Variants in RPRD1A observed in about 807,000 individuals in gnomAD.
The protein encoded by RPRD1A is regulation of nuclear pre-mRNA domain-containing protein 1A.
In RPRD1A, 9 loss-of-function variants were observed where a neutral mutation model predicts 37.8. The ratio of observed to expected loss-of-function variants is 0.24; its 90% CI spans 0.14 to 0.42. RPRD1A has a LOEUF of 0.42. Ranked by LOEUF, RPRD1A falls within the 10% of genes least tolerant of loss-of-function variation. The pLI is 1.00. For missense variants in RPRD1A, 255 were observed against 371.0 expected (o/e 0.69, Z 2.57); for synonymous variants, 138 against 139.7 (o/e 0.99, Z 0.08).
At chr18:36,021,891 C>T (rs1482464080) in intron 6 of RPRD1A, among the ~76,000 whole-genome samples, 1 of 152,114 alleles carries the variant, frequency 6.6e-6, no homozygotes, top group Non-Finnish European at 1.5e-5. Flanking sequence ...CTTCCAGCTA[C>T]TCAGGAGGCT....
At chr18:36,044,349 C>G (rs1912802032) in intron 1 of RPRD1A, among the ~76,000 whole-genome samples, 1 of 152,154 alleles carries the variant, frequency 6.6e-6, no homozygotes, top group African/African-American at 2.4e-5. Context: ...TCAATCAGCA[C>G]TCTCAAGCCC....
At chr18:36,045,975 G>T (rs80203955) in intron 1 of RPRD1A, among the ~76,000 whole-genome samples, 2,014 of 152,268 alleles carry the variant, frequency 0.013, 41 homozygotes, top group African/African-American at 0.046. Context: ...AGACATTTTT[G>T]AGGAAATCTG....
rs879312284 is a variant in RPRD1A, at chr18:35,992,404, A to T, written c.*747T>A. ...CCAGAACCAAAGTTGTCCTCTTGGT[A>T]GAATGTCAAAATGTATATTATTTCC... On this transcript the variant is annotated 3_prime_UTR_variant, in exon 7 of 7. Coordinates refer to ENST00000399022, the MANE Select transcript of RPRD1A (RefSeq NM_018170.5). The T allele has an allele frequency of 5.9e-5, 9 of 152,238 alleles. No individual in the cohort carries two copies. The highest frequency in any genetic ancestry group is 4.4e-5 in the Non-Finnish European group (3 of 68,028). 9.4% of individuals were successfully genotyped at this position (152,238 alleles called of 1,614,324 possible).
chr18:36,026,944 G>A lies in RPRD1A; in HGVS notation c.745C>T (p.Arg249Cys). The change falls in exon 6 of 7, where the codon CGT (arginine) becomes TGT (cysteine). Residue 249 changes from arginine to cysteine, a missense_variant. Physicochemically the swap from Arg to Cys is radical, Grantham distance 180 (BLOSUM62 -3). Transcript: ENST00000399022. ...QLTRMLADFL[R>C]CQKEALAEKE... ...TCTGCAAGGGCTTCCTTTTGACAAC[G>A]AAGAAAATCTGCTAACATTCGAGTG... 1.2e-6 allele frequency: 2 copies of A among 1,613,834 alleles called. No individual in the cohort carries two copies. Among genetic ancestry groups the A allele is most frequent in the Non-Finnish European group, 1.7e-6 (2 of 1,179,798 alleles).
In RPRD1A at chr18:36,021,842, A is replaced by C. The variant is rs1403097741; in HGVS notation, c.789+5058T>G. Among the ~76,000 whole-genome samples, 12 of 152,120 alleles carry C rather than the reference A, an allele frequency of 7.9e-5. 1 individual carries two copies. Among genetic ancestry groups the C allele is most frequent in the Admixed American group, 6.6e-4 (10 of 15,262 alleles). On this transcript the variant is annotated intron_variant, in intron 6 of 6. Coordinates refer to ENST00000399022, the MANE Select transcript of RPRD1A (RefSeq NM_018170.5). ...TAGTGAGACCCTGTCTCTACAAAAA[A>C]ATTTTAAAATTAGCCAGGCATGGTA...
rs79799458 is a variant in RPRD1A, at chr18:36,061,834, C to T, written c.151+5420G>A. Among the ~76,000 whole-genome samples, 1,350 of 152,296 alleles carry T rather than the reference C, an allele frequency of 8.9e-3. 29 individuals carry two copies. Among genetic ancestry groups the T allele is most frequent in the African/African-American group, 0.031 (1,281 of 41,544 alleles). On this transcript the variant is annotated intron_variant, in intron 1 of 6. Transcript: ENST00000399022. The stretch of plus-strand genomic sequence containing the variant: ...TTTAAAATAGGCAGAATAGACATTT[C>T]TCCAGACAACATCCAAATGGCCAAT...
At chr18:36,006,566 T>C (rs533508400) in intron 6 of RPRD1A, among the ~76,000 whole-genome samples, 3 of 152,162 alleles carry the variant, frequency 2.0e-5, no homozygotes, top group Non-Finnish European at 4.4e-5. Flanking sequence ...ATGTTTTATG[T>C]AGTACTGGAA....
chr18:36,048,639 C>A (rs1913135838), intron 1 of RPRD1A, among the ~76,000 whole-genome samples: 2 of 145,598 alleles, frequency 1.4e-5, no homozygotes, highest in African/African-American at 5.1e-5. Context: ...TGATAAAAAG[C>A]ACCTAAAAAA....
intron 1 of RPRD1A, among the ~76,000 whole-genome samples, chr18:36,064,864 G>GAAGGTCTGC (rs1568158669): frequency 1.3e-5 from 2 of 151,936 alleles, no homozygotes; most frequent in Non-Finnish European, 2.9e-5. Context: ...CACTCACCGC[G>GAAGGTCTGC]AAGGTCTGCA....
chr18:36,050,140 A>G (rs1913272564), intron 1 of RPRD1A, among the ~76,000 whole-genome samples: 1 of 152,116 alleles, frequency 6.6e-6, no homozygotes, highest in Non-Finnish European at 1.5e-5. Context: ...GAAAATGGAA[A>G]AAAGTTCTGG....
At chr18:36,021,507 A>C (rs1910992288) in intron 6 of RPRD1A, among the ~76,000 whole-genome samples, 1 of 152,180 alleles carries the variant, frequency 6.6e-6, no homozygotes, top group Non-Finnish European at 1.5e-5. Context: ...GAATTGGGCC[A>C]ATTAAGAATC....
chr18:36,062,595 G>A (rs535586433), intron 1 of RPRD1A, among the ~76,000 whole-genome samples: 1 of 152,228 alleles, frequency 6.6e-6, no homozygotes, highest in South Asian at 2.1e-4. Flanking sequence ...CCATAGAAAA[G>A]ACTGAAGGAC....
intron 6 of RPRD1A, among the ~76,000 whole-genome samples, chr18:35,995,850 G>T (rs988842187): frequency 6.6e-6 from 1 of 152,140 alleles, no homozygotes; most frequent in African/African-American, 2.4e-5. Context: ...GATGAAAATG[G>T]CATTCTCCCT....
chr18:36,005,733 C>T lies in RPRD1A; in HGVS notation c.790-12433G>A, dbSNP rs544086845. ...AGTTCATAGAGTAACTTCTAGAACC[C>T]GTAACTCCCAATTACCAGTTCATGA... is the stretch of plus-strand genomic sequence containing the variant. On this transcript the variant is annotated intron_variant, in intron 6 of 6. Transcript: ENST00000399022. Among the ~76,000 whole-genome samples, 21 of 152,240 alleles carry T rather than the reference C, an allele frequency of 1.4e-4. 1 individual carries two copies. The highest frequency in any genetic ancestry group is 4.1e-4 in the African/African-American group (17 of 41,532).
rs1908684766 is a variant in RPRD1A, at chr18:35,990,927, G to C, written c.*2224C>G. The C allele has an allele frequency of 1.3e-5, 2 of 152,270 alleles. No individual in the cohort carries two copies. Among genetic ancestry groups the C allele is most frequent in the East Asian group, 3.9e-4 (2 of 5,186 alleles). The allele number at this position is 152,270 out of a possible 1,614,324, so 9.4% of individuals were successfully genotyped here. A position where few individuals can be genotyped will look rare whatever the true frequency, so the allele number is the denominator to read the frequency against. On this transcript the variant is annotated 3_prime_UTR_variant, in exon 7 of 7. Coordinates refer to ENST00000399022, the MANE Select transcript of RPRD1A (RefSeq NM_018170.5). Reference sequence around the variant, plus strand: ...CGTTAACCAACAACTGAAGTTTGTGGAGGATTGGTCGAGGGGTGGGATTCA... The same window carrying C: ...CGTTAACCAACAACTGAAGTTTGTGCAGGATTGGTCGAGGGGTGGGATTCA...
intron 1 of RPRD1A, among the ~76,000 whole-genome samples, chr18:36,060,445 A>C (rs2088885808): frequency 1.3e-5 from 2 of 152,238 alleles, no homozygotes; most frequent in African/African-American, 4.8e-5. Flanking sequence ...AAAAAAATAA[A>C]AAAGAAAAAT....
intron 1 of RPRD1A, among the ~76,000 whole-genome samples, chr18:36,060,042 G>A (rs534013492): frequency 1.3e-5 from 2 of 152,152 alleles, no homozygotes; most frequent in East Asian, 3.9e-4. Context: ...ACAAGTAACA[G>A]TATCAGACAA....
chr18:35,991,026 A>G lies in RPRD1A; in HGVS notation c.*2125T>C, dbSNP rs1226081511. 1 of 152,216 alleles carries G rather than the reference A, an allele frequency of 6.6e-6. No homozygotes were observed. Among genetic ancestry groups the G allele is most frequent in the East Asian group, 1.9e-4 (1 of 5,204 alleles). 9.4% of individuals were successfully genotyped at this position (152,216 alleles called of 1,614,324 possible). A position where few individuals can be genotyped will look rare whatever the true frequency, so the allele number is the denominator to read the frequency against. On this transcript the variant is annotated 3_prime_UTR_variant, in exon 7 of 7. Coordinates refer to ENST00000399022, the MANE Select transcript of RPRD1A (RefSeq NM_018170.5). ...AAAATAATGCATTTTTATCATAAATATTTAGAGCAGATACTGGCATTAAAA... is the reference window on the plus strand; with the variant it reads ...AAAATAATGCATTTTTATCATAAATGTTTAGAGCAGATACTGGCATTAAAA...
At chr18:36,017,803 CGTA>C (rs1910697879) in intron 6 of RPRD1A, among the ~76,000 whole-genome samples, 6 of 152,230 alleles carry the variant, frequency 3.9e-5, no homozygotes, top group African/African-American at 1.4e-4. Flanking sequence ...CATACTTTAA[CGTA>C]AAAGAATGAA....
Sources: allele counts gnomAD v4.1 joint callset (sites outside exome capture counted in the v4.1 genomes callset), GRCh38; gene constraint gnomAD v4.1.1; transcripts MANE v1.5; gene names NCBI Gene and HGNC (gene_info 2026-07-23, HGNC 2026-07-21).